PDE4B: variants seen among roughly 807,000 people sequenced by gnomAD.
The protein encoded by PDE4B is 3',5'-cyclic-AMP phosphodiesterase 4B.
Under a neutral mutation model 82.2 loss-of-function variants are expected in PDE4B, and 20 were observed. The observed-to-expected ratio is 0.24, with a 90% confidence interval of 0.17 to 0.35. PDE4B has a LOEUF of 0.35. Ranked by LOEUF, PDE4B falls within the 10% of genes least tolerant of loss-of-function variation. The pLI is 1.00. For synonymous variants in PDE4B, 320 were observed against 318.9 expected (o/e 1.00, Z -0.04); for missense variants, 655 against 907.2 (o/e 0.72, Z 3.57).
chr1:66,022,821 A>T (rs1653212210), intron 3 of PDE4B, among the ~76,000 whole-genome samples: 1 of 152,220 alleles, frequency 6.6e-6, no homozygotes, highest in Non-Finnish European at 1.5e-5. Context: ...TGCTGGCCTC[A>T]TAAAATGAAT....
chr1:66,255,026 CTCTTT>C (rs533153528), intron 4 of PDE4B, among the ~76,000 whole-genome samples: 54 of 151,746 alleles, frequency 3.6e-4, no homozygotes, highest in African/African-American at 8.2e-4. Flanking sequence ...CTTTTCTTTT[CTCTTT>C]TCTTTTCTTT....
At chr1:65,925,125 A>T (rs4655591) in intron 3 of PDE4B, among the ~76,000 whole-genome samples, 53,397 of 151,964 alleles carry the variant, frequency 0.35, 9,593 homozygotes, top group East Asian at 0.48. Context: ...CATTTTAGTA[A>T]CTAAAGTTTT....
chr1:65,841,298 G>T (rs542344444), intron 1 of PDE4B, among the ~76,000 whole-genome samples: 1 of 151,202 alleles, frequency 6.6e-6, no homozygotes, highest in African/African-American at 2.4e-5. Context: ...GCGAGACTCT[G>T]CCTTCAAAGA....
intron 1 of PDE4B, among the ~76,000 whole-genome samples, chr1:65,871,656 G>T (rs963293128): frequency 2.0e-5 from 3 of 152,182 alleles, no homozygotes; most frequent in Non-Finnish European, 2.9e-5. Flanking sequence ...CTGAAAGGTT[G>T]ATACTTAGGC....
chr1:66,275,775 A>G (rs1027150828), intron 7 of PDE4B, among the ~76,000 whole-genome samples: 1 of 152,176 alleles, frequency 6.6e-6, no homozygotes, highest in Admixed American at 6.5e-5. Context: ...CTTTCACCCA[A>G]GAGGAGGGAA....
chr1:66,073,974 A>G (rs1656292953), intron 3 of PDE4B, among the ~76,000 whole-genome samples: 1 of 152,112 alleles, frequency 6.6e-6, no homozygotes, highest in South Asian at 2.1e-4. Flanking sequence ...ATAGGGCTTT[A>G]ATGTCGAGTG....
chr1:65,953,588 A>C (rs1258802240), intron 3 of PDE4B, among the ~76,000 whole-genome samples: 4 of 152,200 alleles, frequency 2.6e-5, no homozygotes, highest in Middle Eastern at 6.8e-3. Context: ...CTTGATCCCC[A>C]GTGGGAGTGC....
chr1:66,306,593 A>G (rs912462267), intron 7 of PDE4B, among the ~76,000 whole-genome samples: 1 of 152,186 alleles, frequency 6.6e-6, no homozygotes, highest in African/African-American at 2.4e-5. Context: ...TCACAAAAGT[A>G]TGGAAAACCT....
At chr1:66,128,725 G>T (rs1645872984) in intron 3 of PDE4B, among the ~76,000 whole-genome samples, 1 of 152,154 alleles carries the variant, frequency 6.6e-6, no homozygotes. Context: ...AGGTTTAATG[G>T]ACTCACAGTT....
intron 3 of PDE4B, among the ~76,000 whole-genome samples, chr1:65,927,795 A>C (rs1647590935): frequency 6.6e-6 from 1 of 151,814 alleles, no homozygotes; most frequent in African/African-American, 2.4e-5. Flanking sequence ...GGCCTTTCTC[A>C]CCGTAACAGC....
intron 3 of PDE4B, among the ~76,000 whole-genome samples, chr1:66,010,184 G>A (rs940014081): frequency 1.8e-4 from 27 of 152,034 alleles, no homozygotes; most frequent in African/African-American, 6.5e-4. Context: ...AAGCACTGAG[G>A]CCCCATGTTG....
At chr1:66,234,128 A>G (rs1045635814) in intron 3 of PDE4B, among the ~76,000 whole-genome samples, 17 of 152,332 alleles carry the variant, frequency 1.1e-4, no homozygotes, top group African/African-American at 3.8e-4. Flanking sequence ...TTATCTGGGC[A>G]TGCAGTTTTC....
At chr1:66,102,679 A>G (rs749372745) in intron 3 of PDE4B, among the ~76,000 whole-genome samples, 19 of 152,196 alleles carry the variant, frequency 1.2e-4, no homozygotes, top group Non-Finnish European at 2.2e-4. Context: ...CTTTTGTATT[A>G]GAAAAAAACA....
chr1:66,239,162 TTAAAG>T (rs1652687867), intron 3 of PDE4B, among the ~76,000 whole-genome samples: 1 of 152,222 alleles, frequency 6.6e-6, no homozygotes, highest in African/African-American at 2.4e-5. Flanking sequence ...AACTTATGAA[TTAAAG>T]TATTTATATT....
chr1:66,279,150 C>T (rs940904516), intron 7 of PDE4B, among the ~76,000 whole-genome samples: 3 of 152,254 alleles, frequency 2.0e-5, no homozygotes, highest in African/African-American at 7.2e-5. Context: ...TCTGGAAAGC[C>T]TCAAATGATG....
intron 3 of PDE4B, among the ~76,000 whole-genome samples, chr1:66,122,995 C>T (rs562379913): frequency 2.0e-5 from 3 of 152,146 alleles, no homozygotes; most frequent in African/African-American, 4.8e-5. Context: ...TGTGAGCCAC[C>T]ATGCCTGGCC....
chr1:66,290,909 G>T (rs568773232), intron 7 of PDE4B, among the ~76,000 whole-genome samples: 1 of 152,194 alleles, frequency 6.6e-6, no homozygotes, highest in Admixed American at 6.6e-5. Context: ...GAAATTGATG[G>T]CTGACTTTAA....
chr1:66,031,128 T>C (rs1041153484), intron 3 of PDE4B, among the ~76,000 whole-genome samples: 1 of 152,132 alleles, frequency 6.6e-6, no homozygotes, highest in Non-Finnish European at 1.5e-5. Flanking sequence ...TTGAAATTAA[T>C]AAAAATAAAA....
In PDE4B at chr1:66,342,914, G is replaced by T. The variant is rs567671090; in HGVS notation, c.747+10294G>T. 3.3e-5 allele frequency among the ~76,000 whole-genome samples: 5 copies of T among 152,196 alleles called. No individual in the cohort carries two copies. The South Asian group carries it at 1.0e-3, about 32-fold the overall frequency. On this transcript the variant is annotated intron_variant, in intron 8 of 16. Coordinates refer to ENST00000341517, the MANE Select transcript of PDE4B (RefSeq NM_002600.4). ...CAAAAAATTAGCCGGACGCAGTGGT[G>T]CATGCCTGTAGTTCCAGCTACTGGG...
Sources: allele counts gnomAD v4.1 joint callset (sites outside exome capture counted in the v4.1 genomes callset), GRCh38; gene constraint gnomAD v4.1.1; transcripts MANE v1.5; gene names NCBI Gene and HGNC (gene_info 2026-07-23, HGNC 2026-07-21).